The following NELL2 variants were observed in gnomAD, a reference collection of about 807,000 sequenced individuals.
NELL2 encodes the protein protein kinase C-binding protein NELL2.
In NELL2, 41 loss-of-function variants were observed where a neutral mutation model predicts 109.6. The observed-to-expected ratio is 0.37, with a 90% CI of 0.29 to 0.49. NELL2 has a LOEUF of 0.49. NELL2 is among the 20% of genes least tolerant of loss of function. NELL2 has a pLI of 0.98. For missense variants in NELL2, 900 were observed against 1,008.3 expected (o/e 0.89, Z 1.45); for synonymous variants, 355 against 344.7 (o/e 1.03, Z -0.33).
intron 9 of NELL2, among the ~76,000 whole-genome samples, chr12:44,715,805 T>C (rs1592386983): frequency 6.6e-6 from 1 of 152,176 alleles, no homozygotes; most frequent in African/African-American, 2.4e-5. Context: ...ATACAAATTA[T>C]ATAAAGTGAA....
intron 3 of NELL2, among the ~76,000 whole-genome samples, chr12:44,800,779 C>A (rs911284121): frequency 6.6e-6 from 1 of 152,244 alleles, no homozygotes; most frequent in South Asian, 2.1e-4. Context: ...GTAACATATT[C>A]TGAAACTATG....
intron 2 of NELL2, among the ~76,000 whole-genome samples, chr12:44,841,656 A>G (rs1341289386): frequency 6.6e-6 from 1 of 152,132 alleles, no homozygotes; most frequent in Non-Finnish European, 1.5e-5. Context: ...AAATTTCTCA[A>G]ATGTGGCCAA....
intron 1 of NELL2, among the ~76,000 whole-genome samples, chr12:44,905,883 G>T (rs1442270361): frequency 6.6e-6 from 1 of 151,890 alleles, no homozygotes; most frequent in African/African-American, 2.4e-5. Context: ...ATATATTAAT[G>T]AAAAAAGCAG....
chr12:44,736,315 A>AT (rs1284761270), intron 9 of NELL2, among the ~76,000 whole-genome samples: 1 of 151,972 alleles, frequency 6.6e-6, no homozygotes. Flanking sequence ...GGCCTTCTTT[A>AT]TTTTTTTAAA....
chr12:44,757,988 T>C (rs1439285430), intron 9 of NELL2, among the ~76,000 whole-genome samples: 1 of 151,992 alleles, frequency 6.6e-6, no homozygotes, highest in Admixed American at 6.6e-5. Context: ...TAATACTTTA[T>C]CTGGTAGAAC....
At chr12:44,649,411 G>A (rs899659156) in intron 13 of NELL2, among the ~76,000 whole-genome samples, 21 of 152,142 alleles carry the variant, frequency 1.4e-4, no homozygotes, top group Admixed American at 1.1e-3. Context: ...GCAAATCCAC[G>A]GTCTTGCAAC....
intron 12 of NELL2, among the ~76,000 whole-genome samples, chr12:44,687,672 C>G (rs1172513231): frequency 6.6e-6 from 1 of 152,182 alleles, no homozygotes; most frequent in Non-Finnish European, 1.5e-5. Context: ...GACTTCAGGA[C>G]TTTCAACAAA....
intron 11 of NELL2, among the ~76,000 whole-genome samples, chr12:44,708,393 T>C (rs1458342451): frequency 6.6e-6 from 1 of 152,146 alleles, no homozygotes; most frequent in Non-Finnish European, 1.5e-5. Flanking sequence ...AAGTCAACAC[T>C]TCATCTCATG....
intron 9 of NELL2, among the ~76,000 whole-genome samples, chr12:44,748,192 A>G (rs1247535424): frequency 6.6e-6 from 1 of 152,072 alleles, no homozygotes; most frequent in African/African-American, 2.4e-5. Flanking sequence ...ATTTGTCAAC[A>G]CTCTAATTTA....
chr12:44,743,713 A>G (rs527874292), intron 9 of NELL2, among the ~76,000 whole-genome samples: 1 of 152,356 alleles, frequency 6.6e-6, no homozygotes, highest in African/African-American at 2.4e-5. Flanking sequence ...AGGCCATCAC[A>G]TAATGGTAAA....
Position 44,523,478 on chromosome 12 carries a change from T to A in NELL2, c.1811A>T (p.Asp604Val). The A allele has an allele frequency of 1.2e-6, 2 of 1,613,158 alleles. No individual in the cohort carries two copies. The highest frequency in any genetic ancestry group is 1.7e-6 in the Non-Finnish European group (2 of 1,179,948). ...GCTGTGCCTCCCGGTCCCACACTCA[T>A]CAATATCTATAGACAAGAAAAAGCA... is the stretch of plus-strand genomic sequence containing the variant. Reference protein sequence around the residue: ...SPSGESCEDIDECGTGRHSCA... With the variant: ...SPSGESCEDIVECGTGRHSCA... Residue 604 changes from aspartate (D) to valine (V), a missense_variant, in exon 17 of 20, where the codon GAT becomes GTT. Transcript: ENST00000429094.
intron 15 of NELL2, among the ~76,000 whole-genome samples, chr12:44,598,181 A>C (rs1282593637): frequency 1.4e-5 from 2 of 143,970 alleles, no homozygotes; most frequent in Non-Finnish European, 3.1e-5. Context: ...AAAAAAAAAA[A>C]AACAGTAAGT....
intron 2 of NELL2, among the ~76,000 whole-genome samples, chr12:44,868,145 GA>G (rs1945060650): frequency 9.0e-6 from 1 of 110,844 alleles, no homozygotes; most frequent in Non-Finnish European, 2.0e-5. Context: ...AAAAAAAAAT[GA>G]ACTACCTGAA....
At chr12:44,866,013 T>C (rs1310391518) in intron 2 of NELL2, among the ~76,000 whole-genome samples, 1 of 152,094 alleles carries the variant, frequency 6.6e-6, no homozygotes, top group East Asian at 1.9e-4. Flanking sequence ...TCCACTTTCA[T>C]GAATAAGATT....
At chr12:44,883,296 G>A (rs1447418357) in intron 1 of NELL2, among the ~76,000 whole-genome samples, 1 of 152,058 alleles carries the variant, frequency 6.6e-6, no homozygotes, top group Non-Finnish European at 1.5e-5. Context: ...TCTACAGGGT[G>A]TCTGCATTCC....
chr12:44,907,783 AC>A (rs1222749832), intron 1 of NELL2, among the ~76,000 whole-genome samples: 1 of 151,998 alleles, frequency 6.6e-6, no homozygotes, highest in Non-Finnish European at 1.5e-5. Context: ...AGAGAGGGAA[AC>A]CAGTGATTGG....
upstream of NELL2, among the ~76,000 whole-genome samples, chr12:44,916,891 T>C (rs1055255518): frequency 1.3e-5 from 2 of 152,204 alleles, no homozygotes; most frequent in Admixed American, 6.5e-5. Context: ...AGCATGTTGA[T>C]TGATAAGAGA....
intron 3 of NELL2, among the ~76,000 whole-genome samples, chr12:44,803,501 G>A (rs1254030712): frequency 6.6e-6 from 1 of 151,970 alleles, no homozygotes; most frequent in Non-Finnish European, 1.5e-5. Context: ...GGAGGGTGAT[G>A]AAGCAAATGA....
At chr12:44,790,872 A>T (rs568353645) in intron 3 of NELL2, among the ~76,000 whole-genome samples, 1 of 151,460 alleles carries the variant, frequency 6.6e-6, no homozygotes, top group African/African-American at 2.4e-5. Flanking sequence ...CTATTCTTCT[A>T]TCAGAAAAAA....
Sources: gnomAD v4.1 joint callset for allele counts (sites outside exome capture counted in the v4.1 genomes callset) on GRCh38, gnomAD v4.1.1 for gene constraint, MANE v1.5 for transcripts, NCBI Gene and HGNC (gene_info 2026-07-23, HGNC 2026-07-21) for gene names.